COPS7A: variants seen among roughly 807,000 people sequenced by gnomAD.
COPS7A encodes COP9 signalosome subunit 7A.
A neutral mutation model predicts 35.2 loss-of-function variants in COPS7A; 20 were observed. The observed-to-expected ratio is 0.57, with a 90% CI of 0.40 to 0.83. The LOEUF is 0.83. Among genes scored for constraint, COPS7A ranks in the 40% least tolerant of loss-of-function variants. The probability of loss-of-function intolerance (pLI) is 0.00; values close to 1 mark genes in which losing one functional copy is unlikely to be tolerated. For missense variants in COPS7A, 247 were observed against 347.5 expected (o/e 0.71, Z 2.30); for synonymous variants, 139 against 141.4 (o/e 0.98, Z 0.12).
chr12:6,724,975 A>T (rs1412441997), intron 2 of COPS7A, among the ~76,000 whole-genome samples, 157 bp downstream of exon 2: 3 of 152,208 alleles, frequency 2.0e-5, no homozygotes, highest in Non-Finnish European at 4.4e-5. Context: ...CCAGTGAACA[A>T]GCAAACCAGC....
chr12:6,726,239 G>C (rs943800911), intron 2 of COPS7A, among the ~76,000 whole-genome samples: 2 of 151,876 alleles, frequency 1.3e-5, no homozygotes, highest in African/African-American at 4.8e-5. Flanking sequence ...AGTGAGTTGA[G>C]TTCGAGCCAC....
intron 2 of COPS7A, among the ~76,000 whole-genome samples, chr12:6,727,119 C>G (rs1049010463): frequency 2.0e-5 from 3 of 151,970 alleles, no homozygotes; most frequent in Non-Finnish European, 2.9e-5. Context: ...GGTGGATCAC[C>G]TGAGGTCAGG....
Position 6,731,389 on chromosome 12 carries a change from C to T in COPS7A, c.*350C>T. 2 of 1,267,352 alleles carry T rather than the reference C, an allele frequency of 1.6e-6. No individual in the cohort carries two copies. The highest frequency in any genetic ancestry group is 2.0e-6 in the Non-Finnish European group (2 of 986,282). The allele number at this position is 1,267,352 out of a possible 1,614,324, so 78.5% of individuals were successfully genotyped here. ...GTCGCTCTGTCTGGAGCATAACCCA[C>T]AGGCGTTTTTTCTGCCACCCCATCC... On this transcript the variant is annotated 3_prime_UTR_variant, in exon 8 of 8. Coordinates refer to ENST00000543155, the MANE Select transcript of COPS7A (RefSeq NM_001164094.2).
chr12:6,730,517 CAG>C lies in COPS7A; in HGVS notation c.636+11_636+12del, dbSNP rs771057632. On this transcript the variant is annotated intron_variant, in intron 6 of 7. Transcript: ENST00000543155. ...GCAGATTGAGAGTGAGGTGAGCAGT[CAG>C]GGGAGCAGGCAGACCCAAACTCCTC... is the stretch of plus-strand genomic sequence containing the variant. The C allele has an allele frequency of 8.1e-6, 13 of 1,613,828 alleles. No homozygotes were observed. Among genetic ancestry groups the C allele is most frequent in the East Asian group, 2.2e-5 (1 of 44,876 alleles).
At chr12:6,726,760 CAAAGAA>C (rs756397250) in intron 2 of COPS7A, among the ~76,000 whole-genome samples, 3 of 151,250 alleles carry the variant, frequency 2.0e-5, no homozygotes, top group African/African-American at 7.3e-5. Flanking sequence ...GACACCATCT[CAAAGAA>C]AAAGAAAAAG....
Position 6,725,185 on chromosome 12 carries a change from C to T in COPS7A, c.162+367C>T, listed in dbSNP as rs7133333. Among the ~76,000 whole-genome samples the T allele has an allele frequency of 4.3e-3, 617 of 142,402 alleles. 2 individuals carry two copies. Among genetic ancestry groups the T allele is most frequent in the Middle Eastern group, 0.011 (3 of 278 alleles). 93.4% of individuals were successfully genotyped at this position (142,402 alleles called of 152,430 possible). On this transcript the variant is annotated intron_variant, in intron 2 of 7. Transcript: ENST00000543155. ...TTTTTTTTTTTTTTTGAGACGGAGT[C>T]TTGCTCTGTCACCCAGGCTGGAGTG...
chr12:6,728,097 T>A (rs1941302270), intron 3 of COPS7A, 96 bp downstream of exon 3: 3 of 1,475,324 alleles, frequency 2.0e-6, no homozygotes, highest in Non-Finnish European at 2.8e-6. Context: ...CCCACTTAGA[T>A]CCCTGGATGC....
intron 2 of COPS7A, chr12:6,725,572 A>G (rs1164315609): frequency 1.3e-5 from 6 of 454,054 alleles, no homozygotes; most frequent in South Asian, 3.1e-5. Context: ...TTAAATTAGC[A>G]TGCCCTTTTC....
intron 2 of COPS7A, among the ~76,000 whole-genome samples, chr12:6,727,126 C>G (rs1357579218): frequency 6.6e-6 from 1 of 152,220 alleles, no homozygotes; most frequent in South Asian, 2.1e-4. Flanking sequence ...CACCTGAGGT[C>G]AGGAGTTCGA....
rs746203902 is a variant in COPS7A at position 6,728,345 on chromosome 12, G to A, written c.327+34G>A. ...CAGTCCCCCAGTCCTACGGTCTAGA[G>A]CATCCTTTTGTATGTCCTTGGGAGT... is the stretch of plus-strand genomic sequence containing the variant. On this transcript the variant is annotated intron_variant, in intron 4 of 7. Coordinates refer to ENST00000543155, the MANE Select transcript of COPS7A (RefSeq NM_001164094.2). 3 of 1,584,260 alleles carry A rather than the reference G, an allele frequency of 1.9e-6. No individual in the cohort carries two copies. In the East Asian group the frequency reaches 6.7e-5, roughly 35 times the overall value.
intron 4 of COPS7A, 58 bp downstream of exon 4, chr12:6,728,369 G>C (rs1353882684): frequency 1.4e-6 from 2 of 1,456,368 alleles, no homozygotes; most frequent in Non-Finnish European, 1.9e-6. Flanking sequence ...GTCCTTGGGA[G>C]TCCACACTAG....
rs987375831 is a variant in COPS7A at position 6,729,995 on chromosome 12, GC to G, written c.531-404del. On this transcript the variant is annotated intron_variant, in intron 5 of 7. Transcript: ENST00000543155. This position sits in a 1 kb window ranked among gnomAD's most constrained non-coding sequence, Gnocchi z 4.2. Reference sequence around the variant, plus strand: ...GTGTTATCACAGGTGGTTTCTAGGTGCCCTGGTGAGGGTTCCCAACTCAGAC... The same window carrying G: ...GTGTTATCACAGGTGGTTTCTAGGTGCCTGGTGAGGGTTCCCAACTCAGAC... Among the ~76,000 whole-genome samples the G allele has an allele frequency of 5.3e-5, 8 of 152,236 alleles. No individual in the cohort carries two copies. The highest frequency in any genetic ancestry group is 1.9e-4 in the African/African-American group (8 of 41,536).
chr12:6,730,295 G>A, intron 5 of COPS7A, 107 bp from the exon 6 acceptor site: 1 of 990,742 alleles, frequency 1.0e-6, no homozygotes, highest in Non-Finnish European at 1.6e-6. Context: ...GGGATTATGG[G>A]GGTGAGCTAC....
rs950845317 is a variant in COPS7A at position 6,731,801 on chromosome 12, T to C, written c.*762T>C. 1 of 151,360 alleles carries C rather than the reference T, an allele frequency of 6.6e-6. No individual in the cohort carries two copies. Among genetic ancestry groups the C allele is most frequent in the African/African-American group, 2.4e-5 (1 of 40,822 alleles). The allele number at this position is 151,360 out of a possible 1,614,324, so 9.4% of individuals were successfully genotyped here. ...ATAGATTGTATTAAAAAAAAAAAGG[T>C]ATATATGCATATATCTATATATAAT... On this transcript the variant is annotated 3_prime_UTR_variant, in exon 8 of 8. Coordinates refer to ENST00000543155, the MANE Select transcript of COPS7A (RefSeq NM_001164094.2).
At chr12:6,725,691 C>G (rs1273220560) in intron 2 of COPS7A, 2 of 456,132 alleles carry the variant, frequency 4.4e-6, no homozygotes, top group South Asian at 3.1e-5. Context: ...GAGAACCGTT[C>G]ACACAAAAGT....
chr12:6,727,947 T>G lies in COPS7A; in HGVS notation c.184T>G (p.Ser62Ala), dbSNP rs1173182050. 2 of 1,614,178 alleles carry G rather than the reference T, an allele frequency of 1.2e-6. No individual in the cohort carries two copies. The highest frequency in any genetic ancestry group is 1.7e-6 in the Non-Finnish European group (2 of 1,180,022). ...GCAGCTGGCTGAGAGTGACTTTGCC[T>G]CTACCTTCCGGCTGCTCACAGTGTT... ...VRELAESDFA[S>A]TFRLLTVFAY... Residue 62 changes from serine to alanine, a missense_variant, in exon 3 of 8, where the codon TCT (serine) becomes GCT (alanine). By Grantham distance (99) the Ser-to-Ala change is moderately conservative (BLOSUM62 1). Coordinates refer to ENST00000543155, the MANE Select transcript of COPS7A (RefSeq NM_001164094.2).
chr12:6,730,292 T>G (rs1378365976), intron 5 of COPS7A, 110 bp from the exon 6 acceptor site: 15 of 966,080 alleles, frequency 1.6e-5, no homozygotes, highest in Non-Finnish European at 2.5e-5. Flanking sequence ...GCAGGGATTA[T>G]GGGGGTGAGC....
At position 6,726,473 on chromosome 12, in the gene COPS7A, G is replaced by T. The variant is rs995285171; in HGVS notation, c.163-1453G>T. Among the ~76,000 whole-genome samples the T allele has an allele frequency of 2.6e-5, 4 of 151,628 alleles. No individual in the cohort carries two copies. The East Asian group carries it at 5.8e-4, about 22-fold the overall frequency. ...AAAAATTAGCCGGGCGCGGTGGCAG[G>T]CGCCTGTAATCCCAGCTACTCGGGA... On this transcript the variant is annotated intron_variant, in intron 2 of 7. Coordinates refer to ENST00000543155, the MANE Select transcript of COPS7A (RefSeq NM_001164094.2).
chr12:6,727,761 C>T (rs766478972), intron 2 of COPS7A, 165 bp from the exon 3 acceptor site: 1 of 710,692 alleles, frequency 1.4e-6, no homozygotes, highest in South Asian at 1.5e-5. Flanking sequence ...TGAGCCCTTC[C>T]TATGTGAAGA....
Sources: allele counts gnomAD v4.1 joint callset (sites outside exome capture counted in the v4.1 genomes callset), GRCh38; gene constraint gnomAD v4.1.1; non-coding constraint Gnocchi (gnomAD v3.1); transcripts MANE v1.5; gene names NCBI Gene and HGNC (gene_info 2026-07-23, HGNC 2026-07-21).